Variants in PRICKLE2 observed in about 807,000 individuals in gnomAD.
PRICKLE2 encodes the protein prickle-like protein 2.
In PRICKLE2, 21 loss-of-function variants were observed where a neutral mutation model predicts 81.4. The ratio of observed to expected loss-of-function variants is 0.26; its 90% CI spans 0.18 to 0.37. The LOEUF (loss-of-function observed/expected upper bound fraction) is 0.37, where lower values mean the gene tolerates loss of function less well. Ranked by LOEUF, PRICKLE2 falls within the 10% of genes least tolerant of loss-of-function variation. The pLI, the probability that PRICKLE2 is intolerant of heterozygous loss-of-function variation, is 1.00. For synonymous variants in PRICKLE2, 456 were observed against 421.5 expected (o/e 1.08, Z -1.00); for missense variants, 940 against 1,109.0 (o/e 0.85, Z 2.16).
At chr3:64,218,744 A>T (rs528486461) in intron 1 of PRICKLE2, among the ~76,000 whole-genome samples, 6 of 152,180 alleles carry the variant, frequency 3.9e-5, no homozygotes, top group Non-Finnish European at 7.3e-5. Context: ...GACAATTGGA[A>T]CTAGACTCTG....
intron 5 of PRICKLE2, 38 bp downstream of exon 5, chr3:64,157,124 G>T (rs766913927): frequency 1.3e-5 from 21 of 1,573,646 alleles, no homozygotes; most frequent in Non-Finnish European, 1.8e-5. Context: ...GCAATGAAGG[G>T]GTGATGGGCA....
At chr3:64,124,101 A>AAATAAAGT (rs2077070958) in intron 7 of PRICKLE2, among the ~76,000 whole-genome samples, 1 of 152,202 alleles carries the variant, frequency 6.6e-6, no homozygotes, top group Admixed American at 6.5e-5. Flanking sequence ...ACATGCATGA[A>AAATAAAGT]AATAAAGTGA....
chr3:64,249,203 G>C (rs1429825563), intron 2 of PRICKLE2, among the ~76,000 whole-genome samples: 1 of 152,076 alleles, frequency 6.6e-6, no homozygotes, highest in Non-Finnish European at 1.5e-5. Context: ...AGAAGATGAA[G>C]GAAAACCAAG....
chr3:64,223,608 C>T (rs1035707185), intron 1 of PRICKLE2, among the ~76,000 whole-genome samples: 22 of 152,150 alleles, frequency 1.4e-4, no homozygotes, highest in African/African-American at 4.3e-4. Context: ...CCGATGGAGC[C>T]AGTATGTTTT....
intron 2 of PRICKLE2, among the ~76,000 whole-genome samples, chr3:64,192,299 C>A (rs561579613): frequency 6.6e-6 from 1 of 151,954 alleles, no homozygotes; most frequent in Non-Finnish European, 1.5e-5. Flanking sequence ...GGGAGGATTC[C>A]GAAACAAGAA....
chr3:64,172,255 A>G (rs2077944965), intron 2 of PRICKLE2, among the ~76,000 whole-genome samples: 1 of 152,246 alleles, frequency 6.6e-6, no homozygotes, highest in Non-Finnish European at 1.5e-5. Flanking sequence ...CAATTTTATC[A>G]AAACACCCTT....
chr3:64,100,187 C>G (rs955204432), intron 7 of PRICKLE2: 15 of 520,806 alleles, frequency 2.9e-5, no homozygotes, highest in Non-Finnish European at 5.2e-5. Context: ...AAAGGCTCAT[C>G]AAAGTTACTA....
chr3:64,252,971 T>C (rs534993733), intron 2 of PRICKLE2, among the ~76,000 whole-genome samples: 2 of 152,340 alleles, frequency 1.3e-5, no homozygotes, highest in South Asian at 2.1e-4. Context: ...CAGAGAGTCA[T>C]AATTTGCATA....
At chr3:64,115,132 T>C (rs1010614049) in intron 7 of PRICKLE2, among the ~76,000 whole-genome samples, 9 of 152,288 alleles carry the variant, frequency 5.9e-5, no homozygotes, top group African/African-American at 2.2e-4. Flanking sequence ...ATAAGATCCT[T>C]TTCAGACAAG....
chr3:64,212,371 C>T (rs189815797), intron 1 of PRICKLE2, among the ~76,000 whole-genome samples: 2 of 152,316 alleles, frequency 1.3e-5, no homozygotes, highest in Admixed American at 1.3e-4. Context: ...CTAAGAGCCC[C>T]TCCTTTCCAG....
chr3:64,206,375 C>T (rs900825736), intron 1 of PRICKLE2, among the ~76,000 whole-genome samples: 1 of 152,194 alleles, frequency 6.6e-6, no homozygotes, highest in African/African-American at 2.4e-5. Context: ...ATGGTCTCAG[C>T]AACTCTGGGC....
chr3:64,107,787 C>T (rs2076779849), intron 7 of PRICKLE2, among the ~76,000 whole-genome samples: 1 of 152,284 alleles, frequency 6.6e-6, no homozygotes, highest in South Asian at 2.1e-4. Context: ...TATGATGACA[C>T]CACTGCACTC....
chr3:64,228,503 T>C (rs2079059063), upstream of PRICKLE2, among the ~76,000 whole-genome samples: 1 of 151,814 alleles, frequency 6.6e-6, no homozygotes, highest in South Asian at 2.1e-4. Flanking sequence ...CCTGTGGTCA[T>C]TATTTTCATC....
chr3:64,193,880 C>G (rs2078397249), intron 2 of PRICKLE2, among the ~76,000 whole-genome samples: 1 of 152,200 alleles, frequency 6.6e-6, no homozygotes, highest in African/African-American at 2.4e-5. Context: ...ACTTCCCCAG[C>G]CATGTGGAAC....
intron 2 of PRICKLE2, among the ~76,000 whole-genome samples, chr3:64,184,362 G>A (rs1014835497): frequency 3.9e-5 from 6 of 152,202 alleles, no homozygotes; most frequent in Non-Finnish European, 5.9e-5. Context: ...TCCCAGCTGC[G>A]TCTGATACCA....
At chr3:64,156,252 C>T (rs2077633352) in intron 5 of PRICKLE2, among the ~76,000 whole-genome samples, 1 of 152,146 alleles carries the variant, frequency 6.6e-6, no homozygotes, top group Non-Finnish European at 1.5e-5. Context: ...ATTAGTTGAG[C>T]CTGATCAGCT....
At chr3:64,197,718 G>A (rs2078483071) in intron 2 of PRICKLE2, among the ~76,000 whole-genome samples, 2 of 152,138 alleles carry the variant, frequency 1.3e-5, no homozygotes, top group African/African-American at 2.4e-5. Flanking sequence ...GCTGGGAGGA[G>A]GGAGAGGGTC....
intron 2 of PRICKLE2, among the ~76,000 whole-genome samples, chr3:64,265,119 G>A (rs556302252): frequency 4.0e-5 from 6 of 151,816 alleles, no homozygotes; most frequent in East Asian, 1.9e-4. Context: ...AGAGGAGCAG[G>A]ATATGAAAAA....
chr3:64,257,084 C>A (rs1007679985), intron 2 of PRICKLE2, among the ~76,000 whole-genome samples: 9 of 152,180 alleles, frequency 5.9e-5, no homozygotes, highest in Non-Finnish European at 1.5e-5. Flanking sequence ...TTCAACACAT[C>A]ATAGTAATGC....
Sources: allele counts gnomAD v4.1 joint callset (sites outside exome capture counted in the v4.1 genomes callset), GRCh38; gene constraint gnomAD v4.1.1; transcripts MANE v1.5; gene names NCBI Gene and HGNC (gene_info 2026-07-23, HGNC 2026-07-21).